Variants in GRIA1 observed in about 807,000 individuals in gnomAD.
The protein encoded by GRIA1 is glutamate receptor 1.
Under a neutral mutation model 99.2 loss-of-function variants are expected in GRIA1, and 31 were observed. That is an observed-to-expected ratio of 0.31 (90% confidence interval 0.23 to 0.42). GRIA1 has a LOEUF of 0.42. Ranked by LOEUF, GRIA1 falls within the 10% of genes least tolerant of loss-of-function variation. The pLI, the probability that GRIA1 is intolerant of heterozygous loss-of-function variation, is 1.00. For missense variants in GRIA1, 782 were observed against 1,157.5 expected (o/e 0.68, Z 4.71); for synonymous variants, 438 against 432.4 (o/e 1.01, Z -0.16).
intron 11 of GRIA1, among the ~76,000 whole-genome samples, chr5:153,737,116 G>A (rs985620666): frequency 2.6e-5 from 4 of 151,982 alleles, no homozygotes; most frequent in African/African-American, 7.3e-5. Context: ...TGGGGTGGAT[G>A]GGGAATGTGG....
intron 2 of GRIA1, among the ~76,000 whole-genome samples, chr5:153,498,637 G>A (rs921507807): frequency 1.3e-5 from 2 of 152,058 alleles, no homozygotes; most frequent in East Asian, 1.9e-4. Context: ...CCTGAACATG[G>A]CTCATCAACT....
At chr5:153,702,857 C>T (rs1413333862) in intron 10 of GRIA1, among the ~76,000 whole-genome samples, 2 of 152,174 alleles carry the variant, frequency 1.3e-5, no homozygotes, top group Admixed American at 6.5e-5. Context: ...TATCTTGACC[C>T]TCACAAAACA....
At chr5:153,640,942 G>A (rs570457074) in intron 2 of GRIA1, among the ~76,000 whole-genome samples, 1 of 152,192 alleles carries the variant, frequency 6.6e-6, no homozygotes, top group South Asian at 2.1e-4. Flanking sequence ...ATCTATTATG[G>A]TAATTCTTTG....
Position 153,614,949 on chromosome 5 carries a change from T to C in GRIA1, c.221-31979T>C, listed in dbSNP as rs765439115. On this transcript the variant is annotated intron_variant, in intron 2 of 15. Transcript: ENST00000285900. The stretch of plus-strand genomic sequence containing the variant: ...GGCCTTAAGATAAGGAATCAGATTC[T>C]CCAGAAACATCAAGTGGGTTTACAG... Among the ~76,000 whole-genome samples the C allele has an allele frequency of 5.3e-5, 8 of 152,222 alleles. 1 individual carries two copies. In the South Asian group the frequency reaches 1.0e-3, roughly 20 times the overall value.
rs183518930 is a variant in GRIA1 at position 153,714,651 on chromosome 5, A to T, written c.1823+8584A>T. Among the ~76,000 whole-genome samples the T allele has an allele frequency of 7.5e-4, 114 of 152,320 alleles. No individual in the cohort carries two copies. The South Asian group carries it at 0.019, about 25-fold the overall frequency. The stretch of plus-strand genomic sequence containing the variant: ...GTTGTTCACCTGCAAAGAAGTATTG[A>T]GCTCTAGACAGAAAAAAATGAAAGC... On this transcript the variant is annotated intron_variant, in intron 11 of 15. Coordinates refer to ENST00000285900, the MANE Select transcript of GRIA1 (RefSeq NM_000827.4).
At chr5:153,618,838 G>A (rs2149419541) in intron 2 of GRIA1, among the ~76,000 whole-genome samples, 1 of 152,276 alleles carries the variant, frequency 6.6e-6, no homozygotes, top group South Asian at 2.1e-4. Flanking sequence ...CCAAGGAGAA[G>A]TTCTGTATAT....
In GRIA1 at chr5:153,521,663, G is replaced by C. The variant is rs538907340; in HGVS notation, c.220+27598G>C. On this transcript the variant is annotated intron_variant, in intron 2 of 15. Transcript: ENST00000285900. ...AGAATTTTGAATAGCTTCAGATGTA[G>C]CTCTGGTGGTTGAAGCTAAGGACAA... Among the ~76,000 whole-genome samples the C allele has an allele frequency of 1.1e-3, 165 of 152,278 alleles. 1 individual carries two copies. The highest frequency in any genetic ancestry group is 6.5e-3 in the Admixed American group (99 of 15,300).
chr5:153,752,477 C>G (rs1326905658), intron 11 of GRIA1, among the ~76,000 whole-genome samples: 1 of 152,146 alleles, frequency 6.6e-6, no homozygotes, highest in African/African-American at 2.4e-5. Context: ...ATGATGATGG[C>G]TTAACAGAGT....
At chr5:153,805,017 G>T (rs1212353286) in intron 15 of GRIA1, among the ~76,000 whole-genome samples, 1 of 152,132 alleles carries the variant, frequency 6.6e-6, no homozygotes, top group African/African-American at 2.4e-5. Flanking sequence ...CTTCCAAAGT[G>T]CTGGGATTAC....
intron 8 of GRIA1, among the ~76,000 whole-genome samples, chr5:153,691,152 G>T (rs1757719315): frequency 6.6e-6 from 1 of 152,084 alleles, no homozygotes; most frequent in African/African-American, 2.4e-5. Context: ...AAGTTTAGGG[G>T]CTTCAGATAC....
At chr5:153,761,955 A>T (rs1763209936) in intron 11 of GRIA1, among the ~76,000 whole-genome samples, 1 of 152,198 alleles carries the variant, frequency 6.6e-6, no homozygotes, top group South Asian at 2.1e-4. Flanking sequence ...TACATGTGGA[A>T]TCTAAAAAAA....
intron 2 of GRIA1, among the ~76,000 whole-genome samples, chr5:153,535,056 G>C (rs532175036): frequency 2.6e-5 from 4 of 152,026 alleles, no homozygotes; most frequent in African/African-American, 9.7e-5. Flanking sequence ...TGAGTAGCTC[G>C]GATTACAGGC....
intron 2 of GRIA1, among the ~76,000 whole-genome samples, chr5:153,623,460 C>G (rs1206651783): frequency 6.6e-6 from 1 of 152,018 alleles, no homozygotes; most frequent in Non-Finnish European, 1.5e-5. Context: ...AAGTGACAGC[C>G]CAGGATGGAG....
chr5:153,751,622 A>AAAG (rs1358583785), intron 11 of GRIA1, among the ~76,000 whole-genome samples: 4 of 152,242 alleles, frequency 2.6e-5, no homozygotes, highest in African/African-American at 9.6e-5. Context: ...TTTGACAGAA[A>AAAG]AAGTTTGCTG....
chr5:153,635,311 C>A (rs1308419566), intron 2 of GRIA1, among the ~76,000 whole-genome samples: 2 of 152,170 alleles, frequency 1.3e-5, no homozygotes, highest in African/African-American at 2.4e-5. Context: ...CGTGAACCAG[C>A]AGAAGGTATT....
At chr5:153,581,893 GACT>G (rs1176778598) in intron 2 of GRIA1, among the ~76,000 whole-genome samples, 2 of 151,970 alleles carry the variant, frequency 1.3e-5, no homozygotes, top group Non-Finnish European at 2.9e-5. Context: ...AAGTAGCTGA[GACT>G]ACAGGCACAT....
intron 11 of GRIA1, among the ~76,000 whole-genome samples, chr5:153,764,231 C>T (rs1280998538): frequency 6.6e-6 from 1 of 152,152 alleles, no homozygotes; most frequent in Non-Finnish European, 1.5e-5. Context: ...GACAGCAACC[C>T]CACAGATCCA....
chr5:153,575,139 G>C (rs1378970035), intron 2 of GRIA1, among the ~76,000 whole-genome samples: 1 of 150,490 alleles, frequency 6.6e-6, no homozygotes, highest in Non-Finnish European at 1.5e-5. Context: ...ATGGTCTCTT[G>C]GTCTCTTTCT....
chr5:153,643,983 G>T (rs1397996839), intron 2 of GRIA1, among the ~76,000 whole-genome samples: 2 of 152,174 alleles, frequency 1.3e-5, no homozygotes, highest in East Asian at 3.8e-4. Context: ...AACCAAGTAG[G>T]TGACATGAGG....
Sources: allele counts gnomAD v4.1 joint callset (sites outside exome capture counted in the v4.1 genomes callset), GRCh38; gene constraint gnomAD v4.1.1; transcripts MANE v1.5; gene names NCBI Gene and HGNC (gene_info 2026-07-23, HGNC 2026-07-21).